CARS1: variants seen among roughly 807,000 people sequenced by gnomAD.
CARS1 encodes cysteinyl-tRNA synthetase 1.
In CARS1, 48 loss-of-function variants were observed where a neutral mutation model predicts 106.2. The observed-to-expected ratio is 0.45, with a 90% confidence interval of 0.36 to 0.57. CARS1 has a LOEUF of 0.57. CARS1 is among the 20% of genes least tolerant of loss of function. CARS1 has a pLI of 0.00. For missense variants in CARS1, 968 were observed against 1,057.2 expected, an observed-to-expected ratio of 0.92 and a Z score of 1.17; for synonymous variants, 409 against 403.4, an observed-to-expected ratio of 1.01 and a Z score of -0.17.
chr11:3,017,506 G>C lies in CARS1; in HGVS notation c.1728-211C>G, dbSNP rs1851156595. ...TAAAAATCTGAAATTAGCCAGGTAT[G>C]GTGGCGCATGCCTGTAACCCCAGCT... On this transcript the variant is annotated intron_variant, in intron 15 of 22. Transcript: ENST00000380525. This position sits in a 1 kb window ranked among gnomAD's most constrained non-coding sequence, Gnocchi z 4.9. 1.7e-6 allele frequency: 1 copy of C among 580,678 alleles called. No homozygotes were observed. The highest frequency in any genetic ancestry group is 3.0e-5 in the Admixed American group (1 of 33,164). The allele number at this position is 580,678 out of a possible 1,614,324, so 36.0% of individuals were successfully genotyped here.
In CARS1 at chr11:3,020,263, G is replaced by C. The variant is rs1398692647; in HGVS notation, c.1223C>G (p.Ala408Gly). 1 of 1,613,624 alleles carries C rather than the reference G, an allele frequency of 6.2e-7. No individual in the cohort carries two copies. The highest frequency in any genetic ancestry group is 1.3e-5 in the African/African-American group (1 of 74,930). ...RSPNDFALWK[A>G]SKPGEPSWPC... ...CCAGGACGGTTCTCCGGGCTTAGAG[G>C]CCTTCCATAAGGCAAAGTCGTTGGG... Residue 408 changes from alanine (A) to glycine (G), a missense_variant, in exon 11 of 23, where the codon GCC (alanine) becomes GGC (glycine). Coordinates refer to ENST00000380525, the MANE Select transcript of CARS1 (RefSeq NM_001014437.3). The surrounding 1 kb of genome is among the most constrained non-coding windows in gnomAD (Gnocchi z 4.6).
At chr11:3,010,610 TG>T (rs1476467304) in intron 18 of CARS1, among the ~76,000 whole-genome samples, 7 of 152,176 alleles carry the variant, frequency 4.6e-5, no homozygotes, top group Non-Finnish European at 8.8e-5. Flanking sequence ...CCAGAGCACT[TG>T]TGGCAGCCCA....
intron 10 of CARS1, among the ~76,000 whole-genome samples, chr11:3,023,525 A>G (rs1372771099): frequency 3.9e-5 from 6 of 152,060 alleles, no homozygotes; most frequent in African/African-American, 1.2e-4. Flanking sequence ...CTTCTGAGTA[A>G]CTGGGACTAC....
rs1435697510 is a variant in CARS1 at position 3,004,667 on chromosome 11, T to C, written c.2217+699A>G. Among the ~76,000 whole-genome samples, 1 of 152,090 alleles carries C rather than the reference T, an allele frequency of 6.6e-6. No homozygotes were observed. The highest frequency in any genetic ancestry group is 2.4e-5 in the African/African-American group (1 of 41,392). On this transcript the variant is annotated intron_variant, in intron 20 of 22. Coordinates refer to ENST00000380525, the MANE Select transcript of CARS1 (RefSeq NM_001014437.3). The surrounding 1 kb of genome is among the most constrained non-coding windows in gnomAD (Gnocchi z 5.2). Reference sequence around the variant, plus strand: ...TTGCGTTTTTGTTCCTGTTCTTCTGTCCTATTGGGCACCGAGGAACTTGGG... The same window carrying C: ...TTGCGTTTTTGTTCCTGTTCTTCTGCCCTATTGGGCACCGAGGAACTTGGG...
At chr11:3,016,113 G>T (rs1323342839) in intron 16 of CARS1, among the ~76,000 whole-genome samples, 1 of 152,194 alleles carries the variant, frequency 6.6e-6, no homozygotes, top group Non-Finnish European at 1.5e-5. Context: ...GAGGAGGAGA[G>T]GGGAGGGGAG....
In CARS1 at chr11:3,037,108, A is replaced by G. The variant is rs1042450352; in HGVS notation, c.801+942T>C. 2.6e-5 allele frequency among the ~76,000 whole-genome samples: 4 copies of G among 152,218 alleles called. No homozygotes were observed. The highest frequency in any genetic ancestry group is 5.9e-5 in the Non-Finnish European group (4 of 68,026). On this transcript the variant is annotated intron_variant, in intron 7 of 22. Coordinates refer to ENST00000380525, the MANE Select transcript of CARS1 (RefSeq NM_001014437.3). This position sits in a 1 kb window ranked among gnomAD's most constrained non-coding sequence, Gnocchi z 5.9. ...AACTGCCCGTCCCAGGAGAACAGAC[A>G]AACAGCTCGGCTCCCAGGCAGGCAC...
In CARS1 at chr11:3,034,044, G is replaced by A. The variant is rs956783320; in HGVS notation, c.801+4006C>T. Reference sequence around the variant, plus strand: ...GGATCCTCTTGCCTTGGCCTCCCAAGGTGCTATGATTACAGGAACGAGCCA... The same window carrying A: ...GGATCCTCTTGCCTTGGCCTCCCAAAGTGCTATGATTACAGGAACGAGCCA... On this transcript the variant is annotated intron_variant, in intron 7 of 22. Coordinates refer to ENST00000380525, the MANE Select transcript of CARS1 (RefSeq NM_001014437.3). The surrounding 1 kb of genome is among the most constrained non-coding windows in gnomAD (Gnocchi z 6.3). Among the ~76,000 whole-genome samples the A allele has an allele frequency of 2.6e-5, 4 of 152,072 alleles. No homozygotes were observed. The highest frequency in any genetic ancestry group is 5.9e-5 in the Non-Finnish European group (4 of 68,016).
At chr11:3,049,890 G>A (rs761732675) in intron 1 of CARS1, among the ~76,000 whole-genome samples, 1 of 152,206 alleles carries the variant, frequency 6.6e-6, no homozygotes, top group Non-Finnish European at 1.5e-5. Context: ...GGGGGTAACT[G>A]CACACGAATG....
In CARS1 at chr11:3,054,882, G is replaced by A. The variant is rs1035044651; in HGVS notation, c.25+2461C>T. On this transcript the variant is annotated intron_variant, in intron 1 of 22. Transcript: ENST00000380525. ...AATTAAACTATAAGTCTGACCTGAT[G>A]AGCAGCCGACCAAGTGGTATCCCAA... 9 of 702,478 alleles carry A rather than the reference G, an allele frequency of 1.3e-5. No individual in the cohort carries two copies. In the Admixed American group the frequency reaches 1.4e-4, roughly 11 times the overall value. 43.5% of individuals were successfully genotyped at this position (702,478 alleles called of 1,614,324 possible).
chr11:3,006,644 C>T (rs780396493), intron 19 of CARS1, among the ~76,000 whole-genome samples: 2 of 152,190 alleles, frequency 1.3e-5, no homozygotes, highest in African/African-American at 4.8e-5. Flanking sequence ...GGAGATGATG[C>T]GCAGGGGAGG....
Position 3,039,293 on chromosome 11 carries a change from C to T in CARS1, c.553-1G>A. On this transcript the variant is annotated splice_acceptor_variant, in intron 5 of 22. Transcript: ENST00000380525. LOFTEE classifies it high-confidence loss of function. The surrounding 1 kb of genome is among the most constrained non-coding windows in gnomAD (Gnocchi z 5.6). Reference sequence around the variant, plus strand: ...GGTTCTGCCGGGCCCTCTTGATGATCTGGGGAGGGAAGGCAGACATTGGGG... The same window carrying T: ...GGTTCTGCCGGGCCCTCTTGATGATTTGGGGAGGGAAGGCAGACATTGGGG... 6.3e-7 allele frequency: 1 copy of T among 1,598,598 alleles called. No homozygotes were observed. The highest frequency in any genetic ancestry group is 8.6e-7 in the Non-Finnish European group (1 of 1,166,054).
chr11:3,005,837 C>A lies in CARS1; in HGVS notation c.2150-404G>T, dbSNP rs150499106. Among the ~76,000 whole-genome samples, 1,184 of 152,158 alleles carry A rather than the reference C, an allele frequency of 7.8e-3. 8 individuals carry two copies. The highest frequency in any genetic ancestry group is 0.01 in the Middle Eastern group (3 of 294). ...ATGTTGCCTAGGCTGGTCTCGAACT[C>A]CTGAGCTCAGGTAATCCACCCACCT... On this transcript the variant is annotated intron_variant, in intron 19 of 22. Coordinates refer to ENST00000380525, the MANE Select transcript of CARS1 (RefSeq NM_001014437.3).
In CARS1 at chr11:3,036,682, A is replaced by C. The variant is rs543501951; in HGVS notation, c.801+1368T>G. 1.7e-4 allele frequency among the ~76,000 whole-genome samples: 26 copies of C among 152,336 alleles called. No individual in the cohort carries two copies. In the East Asian group the frequency reaches 4.6e-3, roughly 27 times the overall value. On this transcript the variant is annotated intron_variant, in intron 7 of 22. Transcript: ENST00000380525. ...CAATTCCACTTCCGTGTATATCCCC[A>C]AAAGAAGTGAAAGCAGGAACCCAAA...
Position 3,048,365 on chromosome 11 carries a change from A to T in CARS1, c.26-364T>A. On this transcript the variant is annotated intron_variant, in intron 1 of 22. Transcript: ENST00000380525. This position sits in a 1 kb window ranked among gnomAD's most constrained non-coding sequence, Gnocchi z 5.1. ...TTTAATTTATGTTTTCTATCAGGGA[A>T]AGCAGGAACACAGTTCCACACCATC... 1 of 193,918 alleles carries T rather than the reference A, an allele frequency of 5.2e-6. No individual in the cohort carries two copies. Among genetic ancestry groups the T allele is most frequent in the Non-Finnish European group, 1.1e-5 (1 of 92,376 alleles). 12.0% of individuals were successfully genotyped at this position (193,918 alleles called of 1,614,324 possible).
intron 7 of CARS1, among the ~76,000 whole-genome samples, chr11:3,035,846 T>G (rs2134231520): frequency 6.6e-6 from 1 of 152,328 alleles, no homozygotes; most frequent in African/African-American, 2.4e-5. Context: ...GGTCTGTGTC[T>G]GCCACCTGAG....
At position 3,040,341 on chromosome 11, in the gene CARS1, G is replaced by A. The variant is rs1854280961; in HGVS notation, c.456-410C>T. The A allele has an allele frequency of 2.9e-6, 1 of 349,126 alleles. No individual in the cohort carries two copies. The highest frequency in any genetic ancestry group is 5.5e-6 in the Non-Finnish European group (1 of 180,210). The allele number at this position is 349,126 out of a possible 1,614,324, so 21.6% of individuals were successfully genotyped here. On this transcript the variant is annotated intron_variant, in intron 4 of 22. Transcript: ENST00000380525. The surrounding 1 kb of genome is among the most constrained non-coding windows in gnomAD (Gnocchi z 5.8). ...AAGTTATGTGTGGATTTTCAACTGT[G>A]CAGAGGGTCACACCCTCTACCCTCC...
Position 3,017,069 on chromosome 11 carries a change from C to A in CARS1, c.1917+37G>T, listed in dbSNP as rs757977266. The A allele has an allele frequency of 1.3e-6, 2 of 1,573,548 alleles. No individual in the cohort carries two copies. Among genetic ancestry groups the A allele is most frequent in the Non-Finnish European group, 1.7e-6 (2 of 1,151,570 alleles). On this transcript the variant is annotated intron_variant, in intron 16 of 22. Transcript: ENST00000380525. This position sits in a 1 kb window ranked among gnomAD's most constrained non-coding sequence, Gnocchi z 4.9. The stretch of plus-strand genomic sequence containing the variant: ...CTGGGGCCTGGCTCCTGTGTCCACA[C>A]AGGCTGAGGGATACGCCTGCCTGGG...
intron 17 of CARS1, among the ~76,000 whole-genome samples, chr11:3,014,300 G>A (rs1004656625): frequency 1.3e-5 from 2 of 152,242 alleles, no homozygotes; most frequent in Non-Finnish European, 2.9e-5. Context: ...ACAAGATGGA[G>A]GAACTGCCTC....
rs1852319034 is a variant in CARS1, at chr11:3,028,232, G to A, written c.1031+764C>T. ...CGTGGCCTTACCTATCATTGAAGATGGCTCACTCTCCTTAACCTACCCCTT... is the reference window on the plus strand; with the variant it reads ...CGTGGCCTTACCTATCATTGAAGATAGCTCACTCTCCTTAACCTACCCCTT... On this transcript the variant is annotated intron_variant, in intron 9 of 22. Transcript: ENST00000380525. This position sits in a 1 kb window ranked among gnomAD's most constrained non-coding sequence, Gnocchi z 4.4. 2 of 392,934 alleles carry A rather than the reference G, an allele frequency of 5.1e-6. No individual in the cohort carries two copies. The highest frequency in any genetic ancestry group is 2.1e-5 in the African/African-American group (1 of 46,960). The allele number at this position is 392,934 out of a possible 1,614,324, so 24.3% of individuals were successfully genotyped here. A position where few individuals can be genotyped will look rare whatever the true frequency, so the allele number is the denominator to read the frequency against.
Sources: allele counts gnomAD v4.1 joint callset (sites outside exome capture counted in the v4.1 genomes callset), GRCh38; gene constraint gnomAD v4.1.1; non-coding constraint Gnocchi (gnomAD v3.1); transcripts MANE v1.5; gene names NCBI Gene and HGNC (gene_info 2026-07-23, HGNC 2026-07-21).